NXF1: variants seen among roughly 807,000 people sequenced by gnomAD.
The protein encoded by NXF1 is mRNA export factor TAP.
In NXF1, 43 loss-of-function variants were observed where a neutral mutation model predicts 92.4. The ratio of observed to expected loss-of-function variants is 0.47; its 90% CI spans 0.36 to 0.60. The LOEUF (loss-of-function observed/expected upper bound fraction) is 0.60, where lower values mean the gene tolerates loss of function less well. Ranked by LOEUF, NXF1 falls within the 20% of genes least tolerant of loss-of-function variation. The pLI, the probability that NXF1 is intolerant of heterozygous loss-of-function variation, is 0.00. For synonymous variants in NXF1, 288 were observed against 292.2 expected, an observed-to-expected ratio of 0.99 and a Z score of 0.15; for missense variants, 576 against 793.0, an observed-to-expected ratio of 0.73 and a Z score of 3.29.
chr11:62,803,299 G>C (rs2084499748), intron 3 of NXF1, 120 bp downstream of exon 3: 1 of 832,832 alleles, frequency 1.2e-6, no homozygotes. Flanking sequence ...CTGGGTGACA[G>C]AGCAAGACTC....
chr11:62,803,110 G>A (rs1356883573), intron 3 of NXF1, among the ~76,000 whole-genome samples: 1 of 152,072 alleles, frequency 6.6e-6, no homozygotes, highest in East Asian at 1.9e-4. Flanking sequence ...CATGACGTCA[G>A]GAGTTCGAGA....
chr11:62,804,144 T>C (rs1022806018), intron 1 of NXF1, 166 bp from the exon 2 acceptor site: 4 of 1,543,148 alleles, frequency 2.6e-6, no homozygotes, highest in Non-Finnish European at 3.5e-6. Flanking sequence ...ACCCTCTCTG[T>C]GGGAGGGCAG....
Position 62,802,181 on chromosome 11 carries a change from A to G in NXF1, c.449T>C (p.Ile150Thr), listed in dbSNP as rs201574995. 8 of 1,614,132 alleles carry G rather than the reference A, an allele frequency of 5.0e-6. No individual in the cohort carries two copies. Among genetic ancestry groups the G allele is most frequent in the Middle Eastern group, 1.6e-4 (1 of 6,062 alleles). The change falls in exon 4 of 21, where the codon ATT (isoleucine) becomes ACT (threonine). Residue 150 changes from isoleucine to threonine, a missense_variant. Physicochemically the swap from Ile to Thr is moderately conservative, Grantham distance 89. Coordinates refer to ENST00000294172, the MANE Select transcript of NXF1 (RefSeq NM_006362.5). Reference sequence around the variant, plus strand: ...GCCACTCAGGCCTTGTCTTACCTCAATAGGGGTGAAGGGCACACTGCACTT... The same window carrying G: ...GCCACTCAGGCCTTGTCTTACCTCAGTAGGGGTGAAGGGCACACTGCACTT... ...QSKCSVPFTP[I>T]EFHYENTRAQ...
chr11:62,804,018 C>T (rs1341304161), intron 1 of NXF1, 40 bp from the exon 2 acceptor site: 6 of 1,604,780 alleles, frequency 3.7e-6, no homozygotes, highest in Non-Finnish European at 4.2e-6. Context: ...AAGTAAGTAA[C>T]TGGTCCGGTT....
At chr11:62,803,363 A>T in intron 3 of NXF1, 56 bp downstream of exon 3, 1 of 1,373,306 alleles carries the variant, frequency 7.3e-7, no homozygotes. Context: ...AAACATCTCC[A>T]CTCTCAGCGT....
chr11:62,800,435 G>C lies in NXF1; in HGVS notation c.958C>G (p.Leu320Val). The C allele has an allele frequency of 1.2e-6, 2 of 1,614,078 alleles. No homozygotes were observed. Among genetic ancestry groups the C allele is most frequent in the Non-Finnish European group, 1.7e-6 (2 of 1,179,990 alleles). Residue 320 changes from leucine (L) to valine (V), a missense_variant, in exon 10 of 21, where the codon CTC becomes GTC. By Grantham distance (32) the Leu-to-Val change is conservative. Around this residue, in one of 2 missense-constraint regions of NXF1, gnomAD observed 425 missense variants for 635.2 expected, o/e 0.67. Coordinates refer to ENST00000294172, the MANE Select transcript of NXF1 (RefSeq NM_006362.5). ...CACAGGGAGTTTCCATCGAGCCAGA[G>C]CTCTTCTAGCTTCAGCCCCTTTATC... ...DKIKGLKLEE[L>V]WLDGNSLCDT... is the part of the protein sequence containing the mutation.
In NXF1 at chr11:62,802,893, G is replaced by A. The variant is rs747785420; in HGVS notation, c.369+526C>T. On this transcript the variant is annotated intron_variant, in intron 3 of 20. Coordinates refer to ENST00000294172, the MANE Select transcript of NXF1 (RefSeq NM_006362.5). ...CTGAGCCAAATGAAGACATCCAGAG[G>A]AATTACTCCCTCCCCCAACCAAAAT... Among the ~76,000 whole-genome samples the A allele has an allele frequency of 2.0e-4, 31 of 152,164 alleles. 1 individual carries two copies. Among genetic ancestry groups the A allele is most frequent in the Middle Eastern group, 6.8e-3 (2 of 294 alleles).
chr11:62,804,342 A>C (rs2134783570), intron 1 of NXF1: 1 of 512,082 alleles, frequency 2.0e-6, no homozygotes, highest in East Asian at 7.3e-5. Flanking sequence ...GCCAGTTACA[A>C]ATATGACCAG....
At chr11:62,800,227 C>A (rs2084463775) in intron 10 of NXF1, 150 bp downstream of exon 10, 3 of 1,456,838 alleles carry the variant, frequency 2.1e-6, no homozygotes, top group Non-Finnish European at 1.8e-6. Flanking sequence ...CACAGACAGA[C>A]CAAAGTGGGG....
chr11:62,798,914 A>G, intron 10 of NXF1: 1 of 1,107,344 alleles, frequency 9.0e-7, no homozygotes, highest in African/African-American at 1.6e-5. Context: ...GGAGGAGGGA[A>G]TGGGGTGGGA....
At chr11:62,792,910 G>C in intron 19 of NXF1, 1 of 582,546 alleles carries the variant, frequency 1.7e-6, no homozygotes, top group South Asian at 2.2e-5. Flanking sequence ...CTGTCAAGAA[G>C]CTCAAGATAG....
chr11:62,800,297 CGG>C, intron 10 of NXF1, 78 bp downstream of exon 10: 1 of 1,600,630 alleles, frequency 6.2e-7, no homozygotes, highest in East Asian at 2.3e-5. Context: ...TCTCCGCAGA[CGG>C]GCCCTGGTCA....
rs1230771684 is a variant in NXF1, at chr11:62,792,780, C to G, written c.1761-79G>C. On this transcript the variant is annotated intron_variant, in intron 19 of 20. Transcript: ENST00000294172. ...TGAAAGTCCACTCCATAAAAGCACC[C>G]AAGTTTGCCAACAAATATGTACATT... 3 of 1,305,304 alleles carry G rather than the reference C, an allele frequency of 2.3e-6. No individual in the cohort carries two copies. The Admixed American group carries it at 5.4e-5, about 23-fold the overall frequency. 80.9% of individuals were successfully genotyped at this position (1,305,304 alleles called of 1,614,324 possible).
intron 13 of NXF1, 152 bp downstream of exon 13, chr11:62,797,031 G>GCACTCC: frequency 1.5e-6 from 1 of 672,870 alleles, no homozygotes. Context: ...TCACACCATT[G>GCACTCC]CACTCCAGCC....
chr11:62,792,380 G>A lies in NXF1; in HGVS notation c.*96C>T. The A allele has an allele frequency of 6.8e-7, 1 of 1,477,636 alleles. No homozygotes were observed. Among genetic ancestry groups the A allele is most frequent in the Non-Finnish European group, 9.5e-7 (1 of 1,057,214 alleles). The allele number at this position is 1,477,636 out of a possible 1,614,324, so 91.5% of individuals were successfully genotyped here. On this transcript the variant is annotated 3_prime_UTR_variant, in exon 21 of 21. Transcript: ENST00000294172. The stretch of plus-strand genomic sequence containing the variant: ...CTCCCTCGGTCACAGTCACGGGGCG[G>A]CCTCGGGCCAGACAGGAGGAGATGA...
intron 10 of NXF1, chr11:62,799,142 T>C (rs185144328): frequency 6.1e-6 from 6 of 981,050 alleles, no homozygotes; most frequent in Admixed American, 6.2e-5. Context: ...TGGGGAGGTA[T>C]AGGAGACAGA....
At chr11:62,794,522 A>C in intron 18 of NXF1, 82 bp from the exon 19 acceptor site, 1 of 1,285,926 alleles carries the variant, frequency 7.8e-7, no homozygotes, top group Non-Finnish European at 1.1e-6. Flanking sequence ...GATTCTTTCA[A>C]TATCCACAAG....
chr11:62,793,131 T>G (rs1280240865), intron 19 of NXF1, among the ~76,000 whole-genome samples: 1 of 151,450 alleles, frequency 6.6e-6, no homozygotes, highest in African/African-American at 2.4e-5. Flanking sequence ...CAGGCTGGAG[T>G]GCAGTGGCGT....
At chr11:62,796,014 T>C in intron 16 of NXF1, 52 bp downstream of exon 16, 1 of 1,590,314 alleles carries the variant, frequency 6.3e-7, no homozygotes, top group Non-Finnish European at 8.6e-7. Context: ...GCCTATTAAA[T>C]GCCACCCCCA....
Sources: allele counts gnomAD v4.1 joint callset (sites outside exome capture counted in the v4.1 genomes callset), GRCh38; gene constraint gnomAD v4.1.1; regional missense constraint gnomAD v4.1.1; transcripts MANE v1.5; gene names NCBI Gene and HGNC (gene_info 2026-07-23, HGNC 2026-07-21).